SRRM4: variants seen among roughly 807,000 people sequenced by gnomAD.
SRRM4 encodes serine/arginine repetitive matrix 4.
SRRM4 carries 33 observed loss-of-function variants against 68.9 expected under a neutral mutation model. That is an observed-to-expected ratio of 0.48 (90% CI 0.36 to 0.64). The LOEUF is 0.64. Ranked by LOEUF, SRRM4 falls within the 30% of genes least tolerant of loss-of-function variation. SRRM4 has a pLI of 0.00. For missense variants in SRRM4, 817 were observed against 827.1 expected (o/e 0.99, Z 0.15); for synonymous variants, 318 against 318.8 (o/e 1.00, Z 0.03).
intron 2 of SRRM4, among the ~76,000 whole-genome samples, chr12:119,109,653 T>C (rs1287518390): frequency 6.6e-6 from 1 of 152,212 alleles, no homozygotes; most frequent in Non-Finnish European, 1.5e-5. Context: ...TCTCGTGCCA[T>C]GATTTTCAGC....
chr12:119,094,531 G>T lies in SRRM4; in HGVS notation c.132-7705G>T, dbSNP rs994105013. ...TTGCCTGCCACCCTCCACCTTCACTGTCTGTTCTAACTTACTGCATCCCCT... is the reference window on the plus strand; with the variant it reads ...TTGCCTGCCACCCTCCACCTTCACTTTCTGTTCTAACTTACTGCATCCCCT... On this transcript the variant is annotated intron_variant, in intron 1 of 12. Coordinates refer to ENST00000267260, the MANE Select transcript of SRRM4 (RefSeq NM_194286.4). Among the ~76,000 whole-genome samples, 6 of 152,170 alleles carry T rather than the reference G, an allele frequency of 3.9e-5. No individual in the cohort carries two copies. In the East Asian group the frequency reaches 9.6e-4, roughly 24 times the overall value.
intron 1 of SRRM4, among the ~76,000 whole-genome samples, chr12:119,045,494 G>A (rs918067449): frequency 6.5e-5 from 1 of 15,400 alleles, no homozygotes; most frequent in Admixed American, 5.9e-4. Context: ...GCTCCCCCCC[G>A]CCCCAAAACA....
intron 1 of SRRM4, among the ~76,000 whole-genome samples, chr12:119,003,463 A>G (rs997689549): frequency 1.3e-5 from 2 of 151,942 alleles, no homozygotes; most frequent in Non-Finnish European, 2.9e-5. Context: ...GGGCAATTTT[A>G]TACATGTTTT....
intron 1 of SRRM4, among the ~76,000 whole-genome samples, chr12:119,028,259 TTAG>T (rs1238537371): frequency 2.0e-5 from 3 of 152,270 alleles, no homozygotes; most frequent in Admixed American, 2.0e-4. Flanking sequence ...GAAAAGTGGC[TTAG>T]TATAGGCAGC....
intron 1 of SRRM4, among the ~76,000 whole-genome samples, chr12:119,008,135 C>T (rs565843804): frequency 1.3e-5 from 2 of 152,242 alleles, no homozygotes; most frequent in South Asian, 4.1e-4. Flanking sequence ...GGAGCAGTGG[C>T]TCATGCCTGT....
At chr12:119,024,338 C>T (rs945879496) in intron 1 of SRRM4, among the ~76,000 whole-genome samples, 2 of 152,196 alleles carry the variant, frequency 1.3e-5, no homozygotes, top group African/African-American at 2.4e-5. Flanking sequence ...TACCTTGCAG[C>T]GTATCTCTGT....
At position 118,981,913 on chromosome 12, in the gene SRRM4, C is replaced by G; in HGVS notation, c.31C>G (p.Leu11Val). 1 of 1,613,580 alleles carries G rather than the reference C, an allele frequency of 6.2e-7. No homozygotes were observed. MASVQQGEKQ[L>V]FEKFWRGTFK... is the part of the protein sequence containing the mutation. ...GAGCGTTCAGCAAGGCGAGAAGCAG[C>G]TTTTTGAGAAGTTCTGGCGAGGAAC... Residue 11 changes from leucine (L) to valine (V), a missense_variant, in exon 1 of 13, where the codon CTT becomes GTT. Physicochemically the swap from Leu to Val is conservative, Grantham distance 32 (BLOSUM62 1). Transcript: ENST00000267260.
At chr12:119,098,586 T>C (rs1340176975) in intron 1 of SRRM4, among the ~76,000 whole-genome samples, 1 of 152,206 alleles carries the variant, frequency 6.6e-6, no homozygotes, top group Non-Finnish European at 1.5e-5. Flanking sequence ...ATAGTCCAAT[T>C]TGATAGAAGA....
At chr12:119,074,105 C>T (rs1565902422) in intron 1 of SRRM4, among the ~76,000 whole-genome samples, 1 of 151,892 alleles carries the variant, frequency 6.6e-6, no homozygotes, top group African/African-American at 2.4e-5. Context: ...CAAGGGGTGG[C>T]AGTTTCAGAT....
chr12:119,050,763 C>G (rs1051591564), intron 1 of SRRM4, among the ~76,000 whole-genome samples: 6 of 152,116 alleles, frequency 3.9e-5, no homozygotes, highest in African/African-American at 1.4e-4. Context: ...AGACCTCAAA[C>G]TATGTTATCT....
intron 1 of SRRM4, among the ~76,000 whole-genome samples, chr12:118,982,673 T>A (rs1317467887): frequency 1.3e-5 from 1 of 78,144 alleles, no homozygotes; most frequent in Non-Finnish European, 2.7e-5. Context: ...TATTTTGTTT[T>A]TTTTTGTTTT....
At chr12:119,127,515 G>T (rs1954269405) in intron 7 of SRRM4, among the ~76,000 whole-genome samples, 1 of 152,102 alleles carries the variant, frequency 6.6e-6, no homozygotes, top group Admixed American at 6.5e-5. Context: ...ATCACCTGAG[G>T]TCAGGAGTTA....
chr12:119,148,676 C>G (rs1292644407), intron 9 of SRRM4, among the ~76,000 whole-genome samples: 1 of 152,134 alleles, frequency 6.6e-6, no homozygotes, highest in Non-Finnish European at 1.5e-5. Flanking sequence ...AGTGGCAGCA[C>G]CAGAATTCAA....
intron 1 of SRRM4, among the ~76,000 whole-genome samples, chr12:119,042,628 AGAG>A (rs916400960): frequency 4.6e-5 from 7 of 151,302 alleles, no homozygotes; most frequent in Non-Finnish European, 8.8e-5. Context: ...AAGAGGGATG[AGAG>A]GAGGAGAGGG....
intron 1 of SRRM4, among the ~76,000 whole-genome samples, chr12:119,065,701 G>A (rs563207207): frequency 1.3e-5 from 2 of 152,216 alleles, no homozygotes; most frequent in South Asian, 2.1e-4. Flanking sequence ...GCAGTGAGCC[G>A]AGATTGTGCC....
At chr12:119,134,540 T>A (rs552723883) in intron 8 of SRRM4, among the ~76,000 whole-genome samples, 35 of 152,178 alleles carry the variant, frequency 2.3e-4, no homozygotes, top group Non-Finnish European at 2.6e-4. Context: ...CTCCAGTTGT[T>A]AAAATATTCA....
At chr12:118,982,373 T>C (rs963635252) in intron 1 of SRRM4, among the ~76,000 whole-genome samples, 1 of 152,016 alleles carries the variant, frequency 6.6e-6, no homozygotes, top group Non-Finnish European at 1.5e-5. Flanking sequence ...TTTGAGATGT[T>C]TGGGGGGTGT....
rs1379593037 is a variant in SRRM4 at position 119,156,869 on chromosome 12, G to A, written c.*71G>A. 5.5e-6 allele frequency: 8 copies of A among 1,452,392 alleles called. No individual in the cohort carries two copies. The highest frequency in any genetic ancestry group is 7.2e-6 in the Non-Finnish European group (8 of 1,106,444). The allele number at this position is 1,452,392 out of a possible 1,614,324, so 90.0% of individuals were successfully genotyped here. ...CCTCCCCCAACCACCTGCCCTCCCC[G>A]CCTTCTTGGTGACAAATAGTGAGGG... On this transcript the variant is annotated 3_prime_UTR_variant, in exon 13 of 13. Coordinates refer to ENST00000267260, the MANE Select transcript of SRRM4 (RefSeq NM_194286.4).
chr12:119,029,337 T>A (rs1443357027), intron 1 of SRRM4, among the ~76,000 whole-genome samples: 1 of 152,178 alleles, frequency 6.6e-6, no homozygotes, highest in Non-Finnish European at 1.5e-5. Flanking sequence ...GATGAAGACA[T>A]GAAGATGCAA....
Sources: allele counts gnomAD v4.1 joint callset (sites outside exome capture counted in the v4.1 genomes callset), GRCh38; gene constraint gnomAD v4.1.1; transcripts MANE v1.5; gene names NCBI Gene and HGNC (gene_info 2026-07-23, HGNC 2026-07-21).